NCS1: variants seen among roughly 807,000 people sequenced by gnomAD.
NCS1 encodes frequenin homolog.
NCS1 carries 6 observed loss-of-function variants against 28.4 expected under a neutral mutation model. That is an observed-to-expected ratio of 0.21 (90% CI 0.12 to 0.42). The LOEUF (loss-of-function observed/expected upper bound fraction) is 0.42. Among genes scored for constraint, NCS1 ranks in the 10% least tolerant of loss-of-function variants. The probability of loss-of-function intolerance (pLI) is 1.00; values close to 1 mark genes in which losing one functional copy is unlikely to be tolerated. For missense variants in NCS1, 131 were observed against 241.4 expected (o/e 0.54, Z 3.03); for synonymous variants, 86 against 99.3 (o/e 0.87, Z 0.79).
rs1370090477 is a variant in NCS1, at chr9:130,215,070, C to T, written c.90-2762C>T. 1.3e-5 allele frequency among the ~76,000 whole-genome samples: 2 copies of T among 152,214 alleles called. No homozygotes were observed. Among genetic ancestry groups the T allele is most frequent in the African/African-American group, 4.8e-5 (2 of 41,452 alleles). ...TGTTTTTAATAACCTTTTAGAATCA[C>T]TCAAGTAACACAAAGTCATTGTGGA... On this transcript the variant is annotated intron_variant, in intron 2 of 7. Transcript: ENST00000372398. The surrounding 1 kb of genome is among the most constrained non-coding windows in gnomAD (Gnocchi z 4.2).
chr9:130,173,646 G>A (rs1035243714), intron 1 of NCS1, among the ~76,000 whole-genome samples: 2 of 152,206 alleles, frequency 1.3e-5, no homozygotes, highest in African/African-American at 4.8e-5. Flanking sequence ...CTCTGCCTGG[G>A]TGTTTGACTT....
intron 1 of NCS1, among the ~76,000 whole-genome samples, chr9:130,184,602 A>G (rs538388169): frequency 6.6e-6 from 1 of 152,286 alleles, no homozygotes; most frequent in South Asian, 2.1e-4. Context: ...AGGGCAGCCC[A>G]GAGGCACCTT....
intron 7 of NCS1, among the ~76,000 whole-genome samples, chr9:130,229,972 C>T (rs951240956): frequency 2.6e-5 from 4 of 152,212 alleles, no homozygotes; most frequent in African/African-American, 4.8e-5. Flanking sequence ...GCATAATGCT[C>T]CATCACATGG....
intron 5 of NCS1, 52 bp from the exon 6 acceptor site, chr9:130,223,018 TGCGTGGCCAAGA>T: frequency 7.1e-7 from 1 of 1,416,358 alleles, no homozygotes; most frequent in South Asian, 1.2e-5. Context: ...GGGGGGCAAA[TGCGTGGCCAAGA>T]GCCCAAAGCC....
In NCS1 at chr9:130,235,980, G is replaced by A. The variant is rs1833585384; in HGVS notation, c.*3008G>A. 1 of 152,278 alleles carries A rather than the reference G, an allele frequency of 6.6e-6. No homozygotes were observed. Among genetic ancestry groups the A allele is most frequent in the Non-Finnish European group, 1.5e-5 (1 of 68,100 alleles). The allele number at this position is 152,278 out of a possible 1,614,324, so 9.4% of individuals were successfully genotyped here. A position where few individuals can be genotyped will look rare whatever the true frequency, so the allele number is the denominator to read the frequency against. The stretch of plus-strand genomic sequence containing the variant: ...CGTCTGCTCCTCACTTTGTGTTGAT[G>A]GTGACTTAGGAGAATGTTCCGATTT... On this transcript the variant is annotated 3_prime_UTR_variant, in exon 8 of 8. Transcript: ENST00000372398.
intron 1 of NCS1, among the ~76,000 whole-genome samples, chr9:130,184,807 G>A (rs1450440249): frequency 3.4e-5 from 4 of 119,230 alleles, no homozygotes; most frequent in African/African-American, 1.3e-4. Context: ...TTTTTTTTTT[G>A]TATTTTAGTA....
chr9:130,187,288 G>A (rs1466239837), intron 1 of NCS1, among the ~76,000 whole-genome samples: 2 of 152,128 alleles, frequency 1.3e-5, no homozygotes, highest in East Asian at 3.9e-4. Context: ...TCTGTGCCCC[G>A]TCGCTGCCAT....
chr9:130,207,348 C>T (rs1354789645), intron 2 of NCS1, among the ~76,000 whole-genome samples: 6 of 152,230 alleles, frequency 3.9e-5, no homozygotes, highest in African/African-American at 1.4e-4. Flanking sequence ...AACTTTTCCC[C>T]TGGGTCACCG....
chr9:130,226,222 A>C lies in NCS1; in HGVS notation c.475-167A>C, dbSNP rs1833412571. ...GGCCACGGCCCAAGGCCACCCTGCCATGAGTGCCGAGGTCTGTCTGGTGCT... is the reference window on the plus strand; with the variant it reads ...GGCCACGGCCCAAGGCCACCCTGCCCTGAGTGCCGAGGTCTGTCTGGTGCT... On this transcript the variant is annotated intron_variant, in intron 6 of 7. Coordinates refer to ENST00000372398, the MANE Select transcript of NCS1 (RefSeq NM_014286.4). The surrounding 1 kb of genome is among the most constrained non-coding windows in gnomAD (Gnocchi z 4.8). Among the ~76,000 whole-genome samples the C allele has an allele frequency of 6.6e-6, 1 of 152,206 alleles. No homozygotes were observed. The highest frequency in any genetic ancestry group is 6.5e-5 in the Admixed American group (1 of 15,282).
chr9:130,219,765 C>G lies in NCS1; in HGVS notation c.269C>G (p.Ser90Trp). 1 of 1,614,240 alleles carries G rather than the reference C, an allele frequency of 6.2e-7. No individual in the cohort carries two copies. Among genetic ancestry groups the G allele is most frequent in the Non-Finnish European group, 8.5e-7 (1 of 1,180,044 alleles). Residue 90 changes from serine (S) to tryptophan (W), a missense_variant, in exon 4 of 8, where the codon TCG becomes TGG. Ser to Trp is a radical substitution (Grantham distance 177, BLOSUM62 -3). This residue lies in a region of NCS1 where 100 missense variants were observed against 210.3 expected (regional missense o/e 0.48). Coordinates refer to ENST00000372398, the MANE Select transcript of NCS1 (RefSeq NM_014286.4). The surrounding 1 kb of genome is among the most constrained non-coding windows in gnomAD (Gnocchi z 5.7). ...IEFSEFIQAL[S>W]VTSRGTLDEK... ...TTCTCCGAGTTCATCCAGGCGCTGT[C>G]GGTGACCTCACGGGGAACCCTGGAT...
In NCS1 at chr9:130,232,247, C is replaced by T. The variant is rs773710582; in HGVS notation, c.*18-743C>T. Among the ~76,000 whole-genome samples, 44 of 152,230 alleles carry T rather than the reference C, an allele frequency of 2.9e-4. No homozygotes were observed. The highest frequency in any genetic ancestry group is 6.2e-4 in the Non-Finnish European group (42 of 68,022). ...CAGGTTTGACCCACCACTCCTGGCCCTCCCTGTGGCTTTGATGTGTGTTTC... is the reference window on the plus strand; with the variant it reads ...CAGGTTTGACCCACCACTCCTGGCCTTCCCTGTGGCTTTGATGTGTGTTTC... On this transcript the variant is annotated intron_variant, in intron 7 of 7. Transcript: ENST00000372398. This position sits in a 1 kb window ranked among gnomAD's most constrained non-coding sequence, Gnocchi z 4.4.
intron 2 of NCS1, among the ~76,000 whole-genome samples, chr9:130,212,715 G>A (rs910496849): frequency 1.3e-4 from 19 of 151,710 alleles, no homozygotes; most frequent in Admixed American, 2.6e-4. Context: ...GGAACCTGCA[G>A]GAGTGGGGGA....
chr9:130,210,882 A>G (rs1833104075), intron 2 of NCS1, among the ~76,000 whole-genome samples: 1 of 147,642 alleles, frequency 6.8e-6, no homozygotes, highest in Admixed American at 6.8e-5. Flanking sequence ...TTTGTTGCCC[A>G]GGCTGGAGTG....
intron 2 of NCS1, among the ~76,000 whole-genome samples, chr9:130,208,110 G>A (rs1214559682): frequency 2.0e-5 from 3 of 151,690 alleles, no homozygotes; most frequent in Non-Finnish European, 4.4e-5. Context: ...ATTATCCTGA[G>A]TGGAGACAGC....
At chr9:130,188,030 C>T (rs1489160707) in intron 1 of NCS1, among the ~76,000 whole-genome samples, 1 of 152,202 alleles carries the variant, frequency 6.6e-6, no homozygotes, top group Non-Finnish European at 1.5e-5. Context: ...GGGGTGGTGG[C>T]CTGCTCGGCC....
At chr9:130,220,026 C>T (rs533996876) in intron 4 of NCS1, among the ~76,000 whole-genome samples, 172 of 152,330 alleles carry the variant, frequency 1.1e-3, no homozygotes, top group Non-Finnish European at 1.8e-3. Flanking sequence ...CAGAGAGCAG[C>T]GCAGACATCT....
intron 2 of NCS1, among the ~76,000 whole-genome samples, chr9:130,204,629 A>G (rs1450957832): frequency 6.6e-6 from 1 of 152,190 alleles, no homozygotes; most frequent in Non-Finnish European, 1.5e-5. Flanking sequence ...TGGCTGAGTG[A>G]CCTTGGACAA....
In NCS1 at chr9:130,172,625, G is replaced by C. The variant is rs1554904167; in HGVS notation, c.-39G>C. 1.5e-6 allele frequency: 2 copies of C among 1,343,012 alleles called. No homozygotes were observed. The highest frequency in any genetic ancestry group is 2.5e-5 in the Admixed American group (1 of 39,946). The allele number at this position is 1,343,012 out of a possible 1,614,324, so 83.2% of individuals were successfully genotyped here. ...GCCGCTCCTGCTGGGCGCCCCAACC[G>C]GGTCCGGCCCGGGGGGGCGGGGGCC... is the stretch of plus-strand genomic sequence containing the variant. On this transcript the variant is annotated 5_prime_UTR_variant, in exon 1 of 8. Transcript: ENST00000372398.
chr9:130,205,463 G>C (rs1554907959), intron 2 of NCS1, among the ~76,000 whole-genome samples: 1 of 150,514 alleles, frequency 6.6e-6, no homozygotes, highest in African/African-American at 2.4e-5. Flanking sequence ...AGGATGGCTT[G>C]AGCCCAGGAG....
Sources: allele counts gnomAD v4.1 joint callset (sites outside exome capture counted in the v4.1 genomes callset), GRCh38; gene constraint gnomAD v4.1.1; regional missense constraint gnomAD v4.1.1; non-coding constraint Gnocchi (gnomAD v3.1); transcripts MANE v1.5; gene names NCBI Gene and HGNC (gene_info 2026-07-23, HGNC 2026-07-21).